Variants in IRS1 observed in about 807,000 individuals in gnomAD.
IRS1 encodes the protein insulin receptor substrate 1.
IRS1 carries 34 observed loss-of-function variants against 65.6 expected under a neutral mutation model. The observed-to-expected ratio is 0.52, with a 90% confidence interval of 0.39 to 0.69. IRS1 has a LOEUF of 0.69. Among genes scored for constraint, IRS1 ranks in the 30% least tolerant of loss-of-function variants. IRS1 has a pLI of 0.00. For missense variants in IRS1, 1,641 were observed against 1,720.2 expected (o/e 0.95, Z 0.81); for synonymous variants, 699 against 683.5 (o/e 1.02, Z -0.35).
rs907411999 is a variant in IRS1 at position 226,732,486 on chromosome 2, A to G, written c.*3786T>C. The G allele has an allele frequency of 6.7e-5, 10 of 148,708 alleles. No individual in the cohort carries two copies. Among genetic ancestry groups the G allele is most frequent in the African/African-American group, 1.7e-4 (7 of 40,568 alleles). 9.2% of individuals were successfully genotyped at this position (148,708 alleles called of 1,614,324 possible). On this transcript the variant is annotated 3_prime_UTR_variant, in exon 2 of 2. Coordinates refer to ENST00000305123, the MANE Select transcript of IRS1 (RefSeq NM_005544.3). ...TATACATCTATATATATATATATATATATATACACACACACACATATGTGT... is the reference window on the plus strand; with the variant it reads ...TATACATCTATATATATATATATATGTATATACACACACACACATATGTGT...
chr2:226,766,998 A>T (rs1443720344), intron 1 of IRS1, among the ~76,000 whole-genome samples: 1 of 152,088 alleles, frequency 6.6e-6, no homozygotes, highest in Admixed American at 6.5e-5. Context: ...ATAATTTTCC[A>T]GGAAGTTAGT....
At chr2:226,740,713 G>A (rs536331565) in intron 1 of IRS1, among the ~76,000 whole-genome samples, 1 of 152,216 alleles carries the variant, frequency 6.6e-6, no homozygotes, top group East Asian at 1.9e-4. Flanking sequence ...AAATCTAGTT[G>A]GGGCATTGCT....
In IRS1 at chr2:226,798,818, G is replaced by A. The variant is rs1335463226; in HGVS notation, c.-80C>T. ...GTGGGGGGCGGAGGCTCCTCGCCGC[G>A]GCCCGGCACATGCAAACAGGGCTGG... On this transcript the variant is annotated 5_prime_UTR_variant, in exon 1 of 2. Coordinates refer to ENST00000305123, the MANE Select transcript of IRS1 (RefSeq NM_005544.3). The surrounding 1 kb of genome is among the most constrained non-coding windows in gnomAD (Gnocchi z 9.4). The A allele has an allele frequency of 2.7e-5, 42 of 1,551,848 alleles. No homozygotes were observed. The South Asian group carries it at 3.5e-4, about 13-fold the overall frequency.
At chr2:226,739,053 G>C (rs568894497) in intron 1 of IRS1, among the ~76,000 whole-genome samples, 5 of 152,246 alleles carry the variant, frequency 3.3e-5, no homozygotes, top group South Asian at 2.1e-4. Flanking sequence ...GGCTTCACTG[G>C]GTGCTGAAAT....
intron 1 of IRS1, among the ~76,000 whole-genome samples, chr2:226,748,872 A>C (rs548300285): frequency 6.6e-6 from 1 of 152,330 alleles, no homozygotes; most frequent in South Asian, 2.1e-4. Context: ...AATGAACAGA[A>C]CAAGTTGATT....
Position 226,735,472 on chromosome 2 carries a change from C to T in IRS1, c.*800G>A, listed in dbSNP as rs911670691. Reference sequence around the variant, plus strand: ...CCTTCTTCAGTTTAATTAACATGGCCTATTGTCTTACAGGAAAAAATACAA... The same window carrying T: ...CCTTCTTCAGTTTAATTAACATGGCTTATTGTCTTACAGGAAAAAATACAA... On this transcript the variant is annotated 3_prime_UTR_variant, in exon 2 of 2. Coordinates refer to ENST00000305123, the MANE Select transcript of IRS1 (RefSeq NM_005544.3). The T allele has an allele frequency of 1.3e-5, 2 of 152,304 alleles. No homozygotes were observed. Among genetic ancestry groups the T allele is most frequent in the Non-Finnish European group, 2.9e-5 (2 of 68,024 alleles). 9.4% of individuals were successfully genotyped at this position (152,304 alleles called of 1,614,324 possible). A position where few individuals can be genotyped will look rare whatever the true frequency, so the allele number is the denominator to read the frequency against.
chr2:226,745,986 C>A (rs1938533931), intron 1 of IRS1, among the ~76,000 whole-genome samples: 1 of 152,052 alleles, frequency 6.6e-6, no homozygotes, highest in African/African-American at 2.4e-5. Context: ...ATATGTAATA[C>A]AACGTTATAC....
rs200141729 is a variant in IRS1 at position 226,796,485 on chromosome 2, C to T, written c.2254G>A (p.Gly752Ser). Residue 752 changes from glycine (G) to serine (S), a missense_variant, in exon 1 of 2, where the codon GGC becomes AGC. By Grantham distance (56) the Gly-to-Ser change is moderately conservative. Coordinates refer to ENST00000305123, the MANE Select transcript of IRS1 (RefSeq NM_005544.3). ...NTSSPSDCYYGPEDPQHKPVL... is the reference protein window; with the variant it reads ...NTSSPSDCYYSPEDPQHKPVL... ...GGCTTGTGCTGGGGGTCCTCAGGGC[C>T]GTAGTAGCAGTCGGAGGGGCTGCTG... 1.1e-5 allele frequency: 17 copies of T among 1,613,802 alleles called. No individual in the cohort carries two copies. The highest frequency in any genetic ancestry group is 4.5e-5 in the East Asian group (2 of 44,870).
chr2:226,735,459 T>G lies in IRS1; in HGVS notation c.*813A>C, dbSNP rs1198319777. Reference sequence around the variant, plus strand: ...CAGCCAAATATATCCTTCTTCAGTTTAATTAACATGGCCTATTGTCTTACA... The same window carrying G: ...CAGCCAAATATATCCTTCTTCAGTTGAATTAACATGGCCTATTGTCTTACA... On this transcript the variant is annotated 3_prime_UTR_variant, in exon 2 of 2. Coordinates refer to ENST00000305123, the MANE Select transcript of IRS1 (RefSeq NM_005544.3). 2 of 152,480 alleles carry G rather than the reference T, an allele frequency of 1.3e-5. No individual in the cohort carries two copies. Among genetic ancestry groups the G allele is most frequent in the African/African-American group, 2.4e-5 (1 of 41,588 alleles). 9.4% of individuals were successfully genotyped at this position (152,480 alleles called of 1,614,324 possible).
At chr2:226,755,921 C>T (rs930173632) in intron 1 of IRS1, among the ~76,000 whole-genome samples, 1 of 152,174 alleles carries the variant, frequency 6.6e-6, no homozygotes, top group African/African-American at 2.4e-5. Flanking sequence ...GAGAGAAGCA[C>T]GGATGAGCCA....
chr2:226,781,575 G>A (rs1050283199), intron 1 of IRS1, among the ~76,000 whole-genome samples: 2 of 152,116 alleles, frequency 1.3e-5, no homozygotes, highest in African/African-American at 2.4e-5. Context: ...AACTAATACA[G>A]CGTGGTGGGA....
intron 1 of IRS1, among the ~76,000 whole-genome samples, chr2:226,791,174 C>G (rs1346543677): frequency 6.6e-6 from 1 of 152,142 alleles, no homozygotes; most frequent in Non-Finnish European, 1.5e-5. Flanking sequence ...TCCCCCTCCC[C>G]CCATGACCCA....
chr2:226,757,223 G>T (rs1223578296), intron 1 of IRS1, among the ~76,000 whole-genome samples: 1 of 152,176 alleles, frequency 6.6e-6, no homozygotes, highest in Non-Finnish European at 1.5e-5. Flanking sequence ...ACTACTAGAG[G>T]ATGGTACGGT....
chr2:226,799,155 C>T lies in IRS1; in HGVS notation c.-417G>A. On this transcript the variant is annotated 5_prime_UTR_variant, in exon 1 of 2. Coordinates refer to ENST00000305123, the MANE Select transcript of IRS1 (RefSeq NM_005544.3). This position sits in a 1 kb window ranked among gnomAD's most constrained non-coding sequence, Gnocchi z 6.1. ...CCCTCCAGGAGCGCGCGCGCGCGCG[C>T]GCCTTCCCTCCTGAGTTCCCCTCTG... The T allele has an allele frequency of 1.8e-6, 2 of 1,101,780 alleles. No homozygotes were observed. Among genetic ancestry groups the T allele is most frequent in the Non-Finnish European group, 2.2e-6 (2 of 892,326 alleles). The allele number at this position is 1,101,780 out of a possible 1,614,324, so 68.3% of individuals were successfully genotyped here. A position where few individuals can be genotyped will look rare whatever the true frequency, so the allele number is the denominator to read the frequency against.
intron 1 of IRS1, among the ~76,000 whole-genome samples, chr2:226,769,484 C>T (rs1939122677): frequency 6.6e-6 from 1 of 152,200 alleles, no homozygotes; most frequent in East Asian, 1.9e-4. Flanking sequence ...CCCCAAGGAA[C>T]CACAGAGCCA....
rs141976450 is a variant in IRS1, at chr2:226,795,859, G to A, written c.2880C>T (p.Val960=). The A allele has an allele frequency of 5.0e-6, 8 of 1,613,490 alleles. No individual in the cohort carries two copies. The Admixed American group carries it at 6.7e-5, about 13-fold the overall frequency. The part of the protein sequence containing the change: ...RRAAWQESTG[V]EMGRLGPAPP... ...GTGCAGGGCCCAGTCTGCCCATCTC[G>A]ACCCCAGTGCTCTCCTGCCAGGCTG... The change falls in exon 1 of 2, where the codon GTC becomes GTT. Residue 960 remains valine (V), a synonymous_variant. Transcript: ENST00000305123.
intron 1 of IRS1, among the ~76,000 whole-genome samples, chr2:226,760,362 A>G (rs1938892655): frequency 6.6e-6 from 1 of 152,222 alleles, no homozygotes; most frequent in Non-Finnish European, 1.5e-5. Context: ...AAAAGCCGGC[A>G]TCAAGAATCT....
rs1002810992 is a variant in IRS1 at position 226,746,788 on chromosome 2, T to C, written c.*22-10538A>G. 1.3e-4 allele frequency among the ~76,000 whole-genome samples: 19 copies of C among 140,858 alleles called. No homozygotes were observed. In the East Asian group the frequency reaches 3.0e-3, roughly 22 times the overall value. 92.4% of individuals were successfully genotyped at this position (140,858 alleles called of 152,430 possible). A position where few individuals can be genotyped will look rare whatever the true frequency, so the allele number is the denominator to read the frequency against. On this transcript the variant is annotated intron_variant, in intron 1 of 1. Transcript: ENST00000305123. Reference sequence around the variant, plus strand: ...TTAAAAGTTTCCTAGCAGCATTCTTTTTTTTTTTTTTTTTTTTTTGAGACA... The same window carrying C: ...TTAAAAGTTTCCTAGCAGCATTCTTCTTTTTTTTTTTTTTTTTTTGAGACA...
intron 1 of IRS1, among the ~76,000 whole-genome samples, chr2:226,785,751 T>TA (rs548532325): frequency 2.6e-4 from 39 of 150,740 alleles, no homozygotes; most frequent in Middle Eastern, 3.5e-3. Flanking sequence ...TTTCTTTTTT[T>TA]TATATATATA....
Sources: allele counts gnomAD v4.1 joint callset (sites outside exome capture counted in the v4.1 genomes callset), GRCh38; gene constraint gnomAD v4.1.1; non-coding constraint Gnocchi (gnomAD v3.1); transcripts MANE v1.5; gene names NCBI Gene and HGNC (gene_info 2026-07-23, HGNC 2026-07-21).